Variants in DHX32 observed in about 807,000 individuals in gnomAD.
DHX32 encodes DEAH-box helicase 32 (putative).
A neutral mutation model predicts 70.0 loss-of-function variants in DHX32; 51 were observed. That is an observed-to-expected ratio of 0.73 (90% CI 0.58 to 0.92). The LOEUF is 0.92. Among genes scored for constraint, DHX32 ranks in the 40% least tolerant of loss-of-function variants. DHX32 has a pLI of 0.00. For synonymous variants in DHX32, 310 were observed against 315.3 expected, an observed-to-expected ratio of 0.98 and a Z score of 0.18; for missense variants, 762 against 891.8, an observed-to-expected ratio of 0.85 and a Z score of 1.85.
chr10:125,879,326 C>A (rs770260263), intron 1 of DHX32, among the ~76,000 whole-genome samples: 29 of 151,946 alleles, frequency 1.9e-4, no homozygotes, highest in Non-Finnish European at 3.5e-4. Context: ...ACCTGGCCCA[C>A]TATCCCGTTA....
At chr10:125,842,099 TGA>T (rs1037304225) in intron 6 of DHX32, 165 bp from the exon 7 acceptor site, 23 of 932,418 alleles carry the variant, frequency 2.5e-5, no homozygotes, top group African/African-American at 2.4e-4. Flanking sequence ...TAGTGATTCT[TGA>T]GAGGGCAAAC....
chr10:125,870,217 T>A (rs1944247792), intron 1 of DHX32, among the ~76,000 whole-genome samples: 3 of 152,020 alleles, frequency 2.0e-5, no homozygotes, highest in Admixed American at 2.0e-4. Flanking sequence ...GGCATAACCA[T>A]CCTGGGATCA....
rs534060946 is a variant in DHX32 at position 125,874,619 on chromosome 10, A to G, written c.282+5924T>C. ...TCTTTTGAGTATCTTTACTTGTTCA[A>G]TCTGAGAACAGGTAAAGATAGTGTG... On this transcript the variant is annotated intron_variant, in intron 1 of 10. Coordinates refer to ENST00000284690, the MANE Select transcript of DHX32 (RefSeq NM_018180.3). 2.5e-3 allele frequency among the ~76,000 whole-genome samples: 374 copies of G among 152,314 alleles called. 2 individuals carry two copies. The highest frequency in any genetic ancestry group is 8.3e-3 in the African/African-American group (344 of 41,574).
chr10:125,894,892 A>G (rs1944423683), intron 1 of DHX32, among the ~76,000 whole-genome samples: 1 of 152,306 alleles, frequency 6.6e-6, no homozygotes, highest in Non-Finnish European at 1.5e-5. Context: ...CACTGGATAC[A>G]GGAGTACTGC....
chr10:125,836,943 G>C, intron 10 of DHX32, 88 bp from the exon 11 acceptor site: 1 of 1,153,998 alleles, frequency 8.7e-7, no homozygotes, highest in East Asian at 2.4e-5. Flanking sequence ...TCCCATCCCT[G>C]GAGAATCTAC....
At chr10:125,874,601 A>G (rs185313488) in intron 1 of DHX32, among the ~76,000 whole-genome samples, 32 of 152,326 alleles carry the variant, frequency 2.1e-4, no homozygotes, top group Non-Finnish European at 3.7e-4. Flanking sequence ...TGTTCTTTTG[A>G]GTATCTTTAC....
chr10:125,879,512 A>C (rs897736325), intron 1 of DHX32, among the ~76,000 whole-genome samples: 1 of 152,098 alleles, frequency 6.6e-6, no homozygotes, highest in African/African-American at 2.4e-5. Flanking sequence ...AACCAATTTA[A>C]ATGTCTTTTG....
At chr10:125,842,666 T>C (rs1854914620) in intron 6 of DHX32, 1 of 197,752 alleles carries the variant, frequency 5.1e-6, no homozygotes, top group Non-Finnish European at 9.1e-6. Flanking sequence ...TAGCATCCAG[T>C]AGAGAGGCAT....
At chr10:125,838,104 A>G (rs1267283759) in intron 10 of DHX32, 102 bp downstream of exon 10, 12 of 1,086,742 alleles carry the variant, frequency 1.1e-5, no homozygotes, top group Non-Finnish European at 1.4e-5. Context: ...AGATTGCATC[A>G]GTATAAACTT....
At position 125,880,561 on chromosome 10, in the gene DHX32, T is replaced by C; in HGVS notation, c.264A>G (p.Lys88=). ...TACTCACCTGAGCGCTCTTACCACATTTAGCATCTCCTGAAACAATCACGA... is the reference window on the plus strand; with the variant it reads ...TACTCACCTGAGCGCTCTTACCACACTTAGCATCTCCTGAAACAATCACGA... The part of the protein sequence containing the change: ...NQIVIVSGDA[K]CGKSAQVPQW... The change falls in exon 1 of 11, where the codon AAA becomes AAG. Residue 88 remains lysine, a synonymous_variant. Transcript: ENST00000284690. 1 of 1,608,924 alleles carries C rather than the reference T, an allele frequency of 6.2e-7. No homozygotes were observed. Among genetic ancestry groups the C allele is most frequent in the Non-Finnish European group, 8.5e-7 (1 of 1,176,420 alleles).
chr10:125,839,739 T>C (rs1490064942), intron 8 of DHX32, among the ~76,000 whole-genome samples: 5 of 152,208 alleles, frequency 3.3e-5, no homozygotes, highest in African/African-American at 1.2e-4. Flanking sequence ...ACTTTTATCT[T>C]AAAATTCAGG....
chr10:125,869,502 G>C (rs181078343), intron 1 of DHX32: 21 of 152,242 alleles, frequency 1.4e-4, no homozygotes, highest in African/African-American at 5.1e-4. Context: ...CTTAAACCTG[G>C]CAGGCAGAGG....
intron 6 of DHX32, among the ~76,000 whole-genome samples, chr10:125,848,214 A>G (rs776593216): frequency 7.2e-5 from 11 of 152,180 alleles, no homozygotes; most frequent in Non-Finnish European, 1.0e-4. Flanking sequence ...TACAATGTCT[A>G]GGGCCTCTGG....
intron 6 of DHX32, among the ~76,000 whole-genome samples, chr10:125,845,836 G>A (rs1944009781): frequency 6.6e-6 from 1 of 152,242 alleles, no homozygotes; most frequent in South Asian, 2.1e-4. Context: ...TGAGGCAGGC[G>A]GAGGCCAGCT....
intron 9 of DHX32, 131 bp from the exon 10 acceptor site, chr10:125,838,518 T>TCCTACTTTCACATGTAGAAAATAAG: frequency 1.2e-6 from 1 of 860,754 alleles, no homozygotes; most frequent in Admixed American, 3.5e-5. Context: ...CACTCATGTT[T>TCCTACTTTCACATGTAGAAAATAAG]CCTACTTTCA....
chr10:125,855,477 C>T (rs1332988534), intron 3 of DHX32, among the ~76,000 whole-genome samples: 10 of 131,664 alleles, frequency 7.6e-5, no homozygotes, highest in African/African-American at 2.3e-4. Context: ...GAGATGGAGT[C>T]TCGCTCTGTT....
At chr10:125,882,945 A>C (rs1008255078), upstream of DHX32, among the ~76,000 whole-genome samples, 1 of 152,244 alleles carries the variant, frequency 6.6e-6, no homozygotes, top group Non-Finnish European at 1.5e-5. Flanking sequence ...CATGTAAATT[A>C]AATTGCTATT....
chr10:125,838,393 A>G lies in DHX32; in HGVS notation c.1882-6T>C. On this transcript the variant is annotated splice_polypyrimidine_tract_variant and splice_region_variant and intron_variant, in intron 9 of 10. Coordinates refer to ENST00000284690, the MANE Select transcript of DHX32 (RefSeq NM_018180.3). ...CCATCAACATCCCGAGCAATCTGAA[A>G]GGCAGAATTTTAAAGAAAAAAGATT... is the stretch of plus-strand genomic sequence containing the variant. 1 of 1,558,492 alleles carries G rather than the reference A, an allele frequency of 6.4e-7. No individual in the cohort carries two copies. The highest frequency in any genetic ancestry group is 8.6e-7 in the Non-Finnish European group (1 of 1,158,192).
At chr10:125,861,453 C>T (rs1244528600) in intron 2 of DHX32, among the ~76,000 whole-genome samples, 1 of 152,076 alleles carries the variant, frequency 6.6e-6, no homozygotes, top group Non-Finnish European at 1.5e-5. Context: ...GCCGAGATTG[C>T]GCCAGGGCAC....
Sources: gnomAD v4.1 joint callset for allele counts (sites outside exome capture counted in the v4.1 genomes callset) on GRCh38, gnomAD v4.1.1 for gene constraint, MANE v1.5 for transcripts, NCBI Gene and HGNC (gene_info 2026-07-23, HGNC 2026-07-21) for gene names.